Variants in SLC39A14 observed in about 807,000 individuals in gnomAD.
SLC39A14 encodes solute carrier family 39 member 14, also known as metal cation symporter ZIP14.
A neutral mutation model predicts 45.5 loss-of-function variants in SLC39A14; 19 were observed. That is an observed-to-expected ratio of 0.42 (90% CI 0.29 to 0.61). The LOEUF (loss-of-function observed/expected upper bound fraction) is 0.61, where lower values mean the gene tolerates loss of function less well. Ranked by LOEUF, SLC39A14 falls within the 20% of genes least tolerant of loss-of-function variation. SLC39A14 has a pLI of 0.22. For missense variants in SLC39A14, 447 were observed against 616.5 expected (o/e 0.73, Z 2.91); for synonymous variants, 264 against 251.3 (o/e 1.05, Z -0.48).
exon 9 of SLC39A14, chr8:22,433,981 T>C (rs1423544218): frequency 4.8e-6 from 2 of 418,474 alleles, no homozygotes; most frequent in Non-Finnish European, 9.6e-6. Context: ...GCGATTATCC[T>C]GTCTAAGCCT....
At chr8:22,370,173 T>C (rs1257478558) in intron 1 of SLC39A14, among the ~76,000 whole-genome samples, 1 of 152,104 alleles carries the variant, frequency 6.6e-6, no homozygotes, top group Non-Finnish European at 1.5e-5. Context: ...TGCACATCTG[T>C]GCACATGTGC....
rs374414003 is a variant in SLC39A14 at position 22,417,841 on chromosome 8, T to C, written c.1332+6T>C. ...ATATTTCTCTGGCTGATATGGTAAG[T>C]GTTCCACAGTTCACTGGATGAGAGG... On this transcript the variant is annotated splice_donor_region_variant and intron_variant, in intron 8 of 8. Transcript: ENST00000381237. The C allele has an allele frequency of 4.4e-5, 71 of 1,611,982 alleles. No individual in the cohort carries two copies. In the African/African-American group the frequency reaches 5.9e-4, roughly 13 times the overall value.
chr8:22,409,918 G>A (rs544383030), intron 3 of SLC39A14: 4 of 1,612,730 alleles, frequency 2.5e-6, no homozygotes, highest in Admixed American at 3.3e-5. Context: ...AGTAATAGAG[G>A]CCCTCGTCTG....
Position 22,420,537 on chromosome 8 carries a change from TAA to T in SLC39A14, c.*840_*841del, listed in dbSNP as rs1010470082. On this transcript the variant is annotated 3_prime_UTR_variant, in exon 9 of 9. Coordinates refer to ENST00000381237, the MANE Select transcript of SLC39A14 (RefSeq NM_001128431.4). ...CCTCCTCTTCCCCACTGCCATCTTC[TAA>T]GAGACTTTGTAGCTGCCTCCTAGAA... The T allele has an allele frequency of 1.0e-5, 10 of 985,454 alleles. No individual in the cohort carries two copies. In the South Asian group the frequency reaches 1.4e-4, roughly 14 times the overall value. 61.0% of individuals were successfully genotyped at this position (985,454 alleles called of 1,614,324 possible). A position where few individuals can be genotyped will look rare whatever the true frequency, so the allele number is the denominator to read the frequency against.
chr8:22,411,533 G>A (rs986492905), intron 3 of SLC39A14, among the ~76,000 whole-genome samples: 10 of 152,256 alleles, frequency 6.6e-5, no homozygotes, highest in Non-Finnish European at 1.0e-4. Flanking sequence ...AGCCTGCGCC[G>A]TGTGAATTGG....
At chr8:22,398,761 T>C in intron 1 of SLC39A14, 1 of 985,340 alleles carries the variant, frequency 1.0e-6, no homozygotes, top group East Asian at 1.1e-4. Flanking sequence ...GTGCCGCTTC[T>C]AGGCAGAGCT....
intron 5 of SLC39A14, chr8:22,415,348 A>G: frequency 4.8e-6 from 1 of 209,210 alleles, no homozygotes. Context: ...TAGCCATTGC[A>G]AAAGAGGAGC....
chr8:22,374,740 CT>C (rs67116858), intron 1 of SLC39A14, among the ~76,000 whole-genome samples: 11,806 of 104,022 alleles, frequency 0.11, 368 homozygotes, highest in African/African-American at 0.13. Context: ...CCAGCCTGCT[CT>C]TTTTTTTTTT....
At position 22,410,062 on chromosome 8, in the gene SLC39A14, G is replaced by A. The variant is rs761185500; in HGVS notation, c.457+1566G>A. On this transcript the variant is annotated intron_variant, in intron 3 of 8. Transcript: ENST00000381237. ...CAGCCGTGTGCTCACTTACTTCATC[G>A]CCCTGTCCATTGGAACGCTGCTGTC... 5.0e-6 allele frequency: 8 copies of A among 1,613,902 alleles called. No individual in the cohort carries two copies. The highest frequency in any genetic ancestry group is 1.1e-5 in the South Asian group (1 of 91,078).
At chr8:22,372,676 A>G (rs560408124) in intron 1 of SLC39A14, among the ~76,000 whole-genome samples, 1 of 152,028 alleles carries the variant, frequency 6.6e-6, no homozygotes, top group Non-Finnish European at 1.5e-5. Context: ...GCTTTTTATT[A>G]TTTTTCCATT....
intron 8 of SLC39A14, 23 bp from the exon 9 acceptor site, chr8:22,419,529 G>A (rs536386147): frequency 6.2e-7 from 1 of 1,603,170 alleles, no homozygotes; most frequent in South Asian, 1.1e-5. Context: ...TTGCAGCTGT[G>A]TTGTTTCTTG....
chr8:22,396,731 G>T (rs1224818077), intron 1 of SLC39A14, among the ~76,000 whole-genome samples: 1 of 149,252 alleles, frequency 6.7e-6, no homozygotes, highest in African/African-American at 2.5e-5. Context: ...GCTCTTCCCC[G>T]GTAGCTTTTC....
At chr8:22,398,479 G>A (rs1460094674) in intron 1 of SLC39A14, among the ~76,000 whole-genome samples, 1 of 152,084 alleles carries the variant, frequency 6.6e-6, no homozygotes, top group African/African-American at 2.4e-5. Context: ...TTCATGTTGT[G>A]TTTCTGCGCC....
intron 1 of SLC39A14, among the ~76,000 whole-genome samples, chr8:22,388,307 TG>T (rs1833891062): frequency 6.6e-6 from 1 of 152,064 alleles, no homozygotes; most frequent in South Asian, 2.1e-4. Context: ...AGAGAGTGCA[TG>T]GGGTGCGTGC....
chr8:22,376,484 T>C (rs1477469633), intron 1 of SLC39A14, among the ~76,000 whole-genome samples: 1 of 151,548 alleles, frequency 6.6e-6, no homozygotes, highest in African/African-American at 2.4e-5. Context: ...CACTCGGCCA[T>C]GTTGGAGTAT....
At chr8:22,418,956 G>T (rs1563615211) in intron 8 of SLC39A14, among the ~76,000 whole-genome samples, 1 of 152,026 alleles carries the variant, frequency 6.6e-6, no homozygotes, top group Non-Finnish European at 1.5e-5. Context: ...TCGAGCCCAG[G>T]AGTTTGAGGC....
In SLC39A14 at chr8:22,422,501, T is replaced by C. The variant is rs1836286681; in HGVS notation, c.*2803T>C. ...CTTTAAAACAAAGTTGTCTGATTTT[T>C]GCAAGAGAGGTTAGGATTTTATTGT... On this transcript the variant is annotated 3_prime_UTR_variant, in exon 9 of 9. Transcript: ENST00000381237. The C allele has an allele frequency of 1.2e-5, 12 of 985,764 alleles. No homozygotes were observed. In the South Asian group the frequency reaches 4.7e-4, roughly 39 times the overall value. 61.1% of individuals were successfully genotyped at this position (985,764 alleles called of 1,614,324 possible).
chr8:22,422,479 T>G lies in SLC39A14; in HGVS notation c.*2781T>G. 1 of 985,906 alleles carries G rather than the reference T, an allele frequency of 1.0e-6. No individual in the cohort carries two copies. Among genetic ancestry groups the G allele is most frequent in the Non-Finnish European group, 1.2e-6 (1 of 829,940 alleles). The allele number at this position is 985,906 out of a possible 1,614,324, so 61.1% of individuals were successfully genotyped here. On this transcript the variant is annotated 3_prime_UTR_variant, in exon 9 of 9. Transcript: ENST00000381237. ...ATGGCAATATGCTGGGCATCTACTT[T>G]AAAACAAAGTTGTCTGATTTTTGCA...
intron 1 of SLC39A14, among the ~76,000 whole-genome samples, chr8:22,375,614 A>G (rs985357626): frequency 6.6e-6 from 1 of 151,782 alleles, no homozygotes; most frequent in Non-Finnish European, 1.5e-5. Context: ...GCGCCCCCTA[A>G]TAATAGCTGG....
Sources: gnomAD v4.1 joint callset for allele counts (sites outside exome capture counted in the v4.1 genomes callset) on GRCh38, gnomAD v4.1.1 for gene constraint, MANE v1.5 for transcripts, NCBI Gene and HGNC (gene_info 2026-07-23, HGNC 2026-07-21) for gene names.